The following MTRR variants were observed in gnomAD, a reference collection of about 807,000 sequenced individuals.
The protein encoded by MTRR is 5-methyltetrahydrofolate-homocysteine methyltransferase reductase.
Under a neutral mutation model 79.2 loss-of-function variants are expected in MTRR, and 63 were observed. That is an observed-to-expected ratio of 0.80 (90% CI 0.65 to 0.98). The LOEUF is 0.98. MTRR is among the 50% of genes least tolerant of loss of function. The pLI is 0.00. For synonymous variants in MTRR, 355 were observed against 313.3 expected, an observed-to-expected ratio of 1.13 and a Z score of -1.41; for missense variants, 895 against 839.6, an observed-to-expected ratio of 1.07 and a Z score of -0.82.
chr5:7,889,944 A>G (rs1032293087), intron 9 of MTRR, among the ~76,000 whole-genome samples: 2 of 152,042 alleles, frequency 1.3e-5, no homozygotes, highest in East Asian at 1.9e-4. Flanking sequence ...AGACCTCAGC[A>G]TTGTCCCTGA....
At chr5:7,860,901 G>A (rs921998470) in intron 1 of MTRR, among the ~76,000 whole-genome samples, 1 of 152,118 alleles carries the variant, frequency 6.6e-6, no homozygotes, top group Non-Finnish European at 1.5e-5. Flanking sequence ...GTTCAAACAA[G>A]GCAGCAAGAA....
chr5:7,875,213 AAT>A, intron 3 of MTRR, 43 bp from the exon 4 acceptor site: 1 of 1,311,874 alleles, frequency 7.6e-7, no homozygotes, highest in Non-Finnish European at 1.1e-6. Flanking sequence ...TGTGTCCTTA[AAT>A]TTAAACTTTA....
chr5:7,875,423 T>G (rs1748711153), intron 4 of MTRR, 48 bp downstream of exon 4: 3 of 1,406,194 alleles, frequency 2.1e-6, no homozygotes, highest in Non-Finnish European at 1.0e-6. Flanking sequence ...CTATACATGA[T>G]GGAAGTTGAT....
At chr5:7,852,806 CAA>C (rs761519859) in intron 1 of MTRR, among the ~76,000 whole-genome samples, 3 of 151,888 alleles carry the variant, frequency 2.0e-5, no homozygotes, top group Admixed American at 6.6e-5. Flanking sequence ...TCCAAATACA[CAA>C]GAGAGGTCAA....
chr5:7,892,884 G>A lies in MTRR; in HGVS notation c.1528G>A (p.Glu510Lys). ...VLQPNIHASH[E>K]DSGKALAPKI... ...TCAGCCAAACATACATGCATCCCAT[G>A]AAGACAGCGGGAAAGCCCTGGCTCC... is the stretch of plus-strand genomic sequence containing the variant. The change falls in exon 11 of 15, where the codon GAA (glutamate) becomes AAA (lysine). Residue 510 changes from glutamate to lysine, a missense_variant. Physicochemically the swap from Glu to Lys is moderately conservative, Grantham distance 56. Coordinates refer to ENST00000440940, the MANE Select transcript of MTRR (RefSeq NM_002454.3). 1 of 1,614,216 alleles carries A rather than the reference G, an allele frequency of 6.2e-7. No homozygotes were observed. Among genetic ancestry groups the A allele is most frequent in the African/African-American group, 1.3e-5 (1 of 75,060 alleles).
At chr5:7,893,484 AG>A (rs1322558782) in intron 11 of MTRR, 3 of 156,254 alleles carry the variant, frequency 1.9e-5, no homozygotes, top group African/African-American at 7.2e-5. Flanking sequence ...TAGGAGTAAA[AG>A]GTTATGTGAT....
chr5:7,852,771 G>T (rs1413139181), intron 1 of MTRR, among the ~76,000 whole-genome samples: 3 of 151,186 alleles, frequency 2.0e-5, no homozygotes, highest in Non-Finnish European at 4.4e-5. Flanking sequence ...ATAATCTACT[G>T]CCTCTCTCAA....
At position 7,889,136 on chromosome 5, in the gene MTRR, T is replaced by C. The variant is rs763760088; in HGVS notation, c.1188T>C (p.Ala396=). ...TTGTGGACTATACCAGTGACAGTGC[T>C]GAAAAGCGCAGGCTACAGGAGCTGT... ...RALVDYTSDS[A]EKRRLQELCS... Residue 396 remains alanine, a synonymous_variant, in exon 9 of 15, where the codon GCT becomes GCC. Transcript: ENST00000440940. 1.4e-5 allele frequency: 22 copies of C among 1,614,024 alleles called. No homozygotes were observed. The highest frequency in any genetic ancestry group is 1.3e-4 in the Admixed American group (8 of 60,004).
chr5:7,889,911 T>C (rs147722508), intron 9 of MTRR, among the ~76,000 whole-genome samples: 1 of 152,246 alleles, frequency 6.6e-6, no homozygotes, highest in Non-Finnish European at 1.5e-5. Context: ...GTGACTCTTC[T>C]AGTCCTCATA....
chr5:7,892,980 T>A, intron 11 of MTRR, 67 bp downstream of exon 11: 1 of 1,509,352 alleles, frequency 6.6e-7, no homozygotes, highest in Non-Finnish European at 9.1e-7. Context: ...GAAAAAACAG[T>A]GTTGTCTCAC....
In MTRR at chr5:7,875,463, A is replaced by G. The variant is rs1471205470; in HGVS notation, c.401+88A>G. 4 of 1,166,594 alleles carry G rather than the reference A, an allele frequency of 3.4e-6. No homozygotes were observed. In the African/African-American group the frequency reaches 4.6e-5, roughly 13 times the overall value. 72.3% of individuals were successfully genotyped at this position (1,166,594 alleles called of 1,614,324 possible). ...AAAACATGTCAGCTTTTCACTTAAC[A>G]CTGAAATTTTCCTCATGTTTTACTT... is the stretch of plus-strand genomic sequence containing the variant. On this transcript the variant is annotated intron_variant, in intron 4 of 14. Transcript: ENST00000440940.
chr5:7,896,128 G>A (rs748718505), intron 12 of MTRR, among the ~76,000 whole-genome samples: 5 of 152,120 alleles, frequency 3.3e-5, no homozygotes, highest in Non-Finnish European at 7.3e-5. Context: ...CAAATATTGG[G>A]CATACCTTCG....
In MTRR at chr5:7,870,921, A is replaced by G. The variant is rs937595017; in HGVS notation, c.127A>G (p.Lys43Glu). The G allele has an allele frequency of 3.1e-6, 5 of 1,614,064 alleles. No homozygotes were observed. The highest frequency in any genetic ancestry group is 4.2e-6 in the Non-Finnish European group (5 of 1,180,010). ...TCTTCACTGTATTAGTGAATCCGAT[A>G]AGGTTAGAGCCGTTACAGTGGATTT... ...ADLHCISESD[K>E]YDLKTETAPL... Residue 43 changes from lysine to glutamate, a missense_variant and splice_region_variant, in exon 2 of 15, where the codon AAG (lysine) becomes GAG (glutamate). Transcript: ENST00000440940.
At chr5:7,899,527 G>A (rs1457869953) in intron 14 of MTRR, among the ~76,000 whole-genome samples, 1 of 152,186 alleles carries the variant, frequency 6.6e-6, no homozygotes, top group Non-Finnish European at 1.5e-5. Flanking sequence ...CGAGAGATCT[G>A]GTTCCCTTCA....
intron 3 of MTRR, among the ~76,000 whole-genome samples, chr5:7,873,873 A>G (rs1748426345): frequency 6.6e-6 from 1 of 152,188 alleles, no homozygotes; most frequent in South Asian, 2.1e-4. Flanking sequence ...CTCCATTTAG[A>G]AAAGCAGAAC....
chr5:7,875,034 A>G (rs1748636868), intron 3 of MTRR: 4 of 532,834 alleles, frequency 7.5e-6, no homozygotes, highest in Admixed American at 3.2e-5. Flanking sequence ...ACAGCGGCCA[A>G]TAAGTATTTT....
chr5:7,874,362 C>A (rs1450937579), intron 3 of MTRR, among the ~76,000 whole-genome samples: 1 of 151,896 alleles, frequency 6.6e-6, no homozygotes. Context: ...ATAACATGTT[C>A]AAGAGAGTAT....
intron 5 of MTRR, among the ~76,000 whole-genome samples, chr5:7,878,679 A>G (rs936373710): frequency 7.2e-5 from 11 of 152,368 alleles, no homozygotes; most frequent in Admixed American, 3.3e-4. Flanking sequence ...CAGTTTCATC[A>G]TTATTTTGGA....
At chr5:7,870,515 C>T (rs1424529263) in intron 1 of MTRR, 1 of 441,200 alleles carries the variant, frequency 2.3e-6, no homozygotes, top group African/African-American at 2.0e-5. Flanking sequence ...AACACAGATT[C>T]AAGCCCAAGT....
Sources: allele counts gnomAD v4.1 joint callset (sites outside exome capture counted in the v4.1 genomes callset), GRCh38; gene constraint gnomAD v4.1.1; transcripts MANE v1.5; gene names NCBI Gene and HGNC (gene_info 2026-07-23, HGNC 2026-07-21).